HMMR: variants seen among roughly 807,000 people sequenced by gnomAD.
HMMR encodes the protein intracellular hyaluronic acid-binding protein.
Under a neutral mutation model 101.0 loss-of-function variants are expected in HMMR, and 108 were observed. The ratio of observed to expected loss-of-function variants is 1.07; its 90% confidence interval spans 0.92 to 1.25. The LOEUF (loss-of-function observed/expected upper bound fraction) is 1.25. HMMR is among the 50% of genes most tolerant of loss of function. The probability of loss-of-function intolerance (pLI) is 0.00; values close to 1 mark genes in which losing one functional copy is unlikely to be tolerated. For synonymous variants in HMMR, 296 were observed against 276.4 expected, an observed-to-expected ratio of 1.07 and a Z score of -0.70; for missense variants, 813 against 788.7, an observed-to-expected ratio of 1.03 and a Z score of -0.37.
intron 1 of HMMR, among the ~76,000 whole-genome samples, chr5:163,462,689 G>A (rs1376690629): frequency 2.0e-5 from 3 of 151,814 alleles, no homozygotes; most frequent in Non-Finnish European, 4.4e-5. Flanking sequence ...CTAGCTGGGC[G>A]TGGTGGTGGG....
chr5:163,461,434 A>C (rs1385835402), intron 1 of HMMR, among the ~76,000 whole-genome samples: 3 of 152,128 alleles, frequency 2.0e-5, no homozygotes, highest in Admixed American at 2.0e-4. Flanking sequence ...GTGTGCTCTT[A>C]ACACCGCAAT....
chr5:163,474,509 A>G, intron 10 of HMMR: 1 of 469,698 alleles, frequency 2.1e-6, no homozygotes, highest in South Asian at 1.6e-5. Context: ...TTACCTTGTA[A>G]AAGACTGTCT....
intron 1 of HMMR, 62 bp from the exon 2 acceptor site, chr5:163,463,794 T>C: frequency 1.6e-6 from 1 of 619,468 alleles, no homozygotes; most frequent in South Asian, 3.4e-5. Context: ...TATTATGACA[T>C]GTTTTAACTT....
intron 1 of HMMR, among the ~76,000 whole-genome samples, chr5:163,462,961 T>G (rs1057098271): frequency 2.0e-5 from 3 of 152,114 alleles, no homozygotes; most frequent in Admixed American, 2.0e-4. Flanking sequence ...GACTCTAGAC[T>G]GAAGTAAATA....
Position 163,491,443 on chromosome 5 carries a change from A to G in HMMR, c.*279A>G, listed in dbSNP as rs142312409. 1.8e-3 allele frequency: 479 copies of G among 265,408 alleles called. 1 individual carries two copies. The highest frequency in any genetic ancestry group is 9.6e-3 in the African/African-American group (431 of 44,930). The allele number at this position is 265,408 out of a possible 1,614,324, so 16.4% of individuals were successfully genotyped here. A position where few individuals can be genotyped will look rare whatever the true frequency, so the allele number is the denominator to read the frequency against. ...TCATCAACTTAAAAGTCAGTATCATATTATTATCCTCCTGTTCTGAAACCT... is the reference window on the plus strand; with the variant it reads ...TCATCAACTTAAAAGTCAGTATCATGTTATTATCCTCCTGTTCTGAAACCT... On this transcript the variant is annotated 3_prime_UTR_variant, in exon 18 of 18. Transcript: ENST00000393915.
At chr5:163,472,609 C>G (rs1758934042) in intron 7 of HMMR, among the ~76,000 whole-genome samples, 1 of 152,096 alleles carries the variant, frequency 6.6e-6, no homozygotes, top group Non-Finnish European at 1.5e-5. Flanking sequence ...TGTTGTCAGT[C>G]TGTTTGATTT....
intron 16 of HMMR, among the ~76,000 whole-genome samples, chr5:163,486,024 C>T (rs1759465953): frequency 6.6e-6 from 1 of 152,210 alleles, no homozygotes; most frequent in Non-Finnish European, 1.5e-5. Flanking sequence ...TATCCTTGTG[C>T]CACCACACTG....
rs1452236739 is a variant in HMMR, at chr5:163,484,049, A to G, written c.1786-20A>G. 5.4e-6 allele frequency: 8 copies of G among 1,491,538 alleles called. No individual in the cohort carries two copies. Among genetic ancestry groups the G allele is most frequent in the Non-Finnish European group, 5.5e-6 (6 of 1,089,762 alleles). The allele number at this position is 1,491,538 out of a possible 1,614,324, so 92.4% of individuals were successfully genotyped here. ...TCAAACTGTTTTAAGTCTTAACTTT[A>G]TTTAAAAAATCTTTTTCAGCTACAA... On this transcript the variant is annotated intron_variant, in intron 15 of 17. Coordinates refer to ENST00000393915, the MANE Select transcript of HMMR (RefSeq NM_001142556.2).
chr5:163,479,095 G>A (rs891275064), intron 12 of HMMR, among the ~76,000 whole-genome samples: 3 of 152,170 alleles, frequency 2.0e-5, no homozygotes, highest in Non-Finnish European at 2.9e-5. Flanking sequence ...AAGCTGAGGT[G>A]GGAGGATCAA....
chr5:163,461,387 A>C (rs1275673140), intron 1 of HMMR, among the ~76,000 whole-genome samples: 1 of 152,208 alleles, frequency 6.6e-6, no homozygotes, highest in African/African-American at 2.4e-5. Context: ...CTACATTACC[A>C]AAGTGACCGG....
At chr5:163,490,366 T>C (rs1015226378) in intron 16 of HMMR, 24 bp from the exon 17 acceptor site, 8 of 1,441,578 alleles carry the variant, frequency 5.5e-6, no homozygotes, top group Middle Eastern at 2.1e-4. Flanking sequence ...AATTGTTTAT[T>C]ACCTATTATT....
chr5:163,469,732 C>T lies in HMMR; in HGVS notation c.365C>T (p.Ala122Val). Residue 122 changes from alanine (A) to valine (V), a missense_variant, in exon 5 of 18, where the codon GCT becomes GTT. Coordinates refer to ENST00000393915, the MANE Select transcript of HMMR (RefSeq NM_001142556.2). ...GAAAAGATGGAAGCAAGGCTAAATG[C>T]TGCACTAAGGGAAAAAACATCTCTC... ...ELEKMEARLN[A>V]ALREKTSLSA... 5.0e-6 allele frequency: 8 copies of T among 1,612,894 alleles called. No homozygotes were observed. Among genetic ancestry groups the T allele is most frequent in the Non-Finnish European group, 6.8e-6 (8 of 1,178,860 alleles).
intron 17 of HMMR, 27 bp downstream of exon 17, chr5:163,490,579 T>C: frequency 6.5e-7 from 1 of 1,527,452 alleles, no homozygotes; most frequent in Non-Finnish European, 8.9e-7. Flanking sequence ...TGTATAAAAG[T>C]GTCCTCTTCC....
chr5:163,478,941 C>A, intron 12 of HMMR, 141 bp downstream of exon 12: 1 of 564,622 alleles, frequency 1.8e-6, no homozygotes, highest in Non-Finnish European at 3.2e-6. Flanking sequence ...CGTAAGTGGG[C>A]ATTTAGCATT....
rs1424678339 is a variant in HMMR, at chr5:163,463,934, A to T, written c.125A>T (p.Gln42Leu). Residue 42 changes from glutamine to leucine, a missense_variant, in exon 2 of 18, where the codon CAA becomes CTA. By Grantham distance (113) the Gln-to-Leu change is moderately radical (BLOSUM62 -2). Coordinates refer to ENST00000393915, the MANE Select transcript of HMMR (RefSeq NM_001142556.2). ...GGACCAGTATCCTTTCAGAAATCAC[A>T]AAGATTTAAACAACAAAAAGGTAAT... ...LKGPVSFQKS[Q>L]RFKQQKESKQ... 8.8e-6 allele frequency: 12 copies of T among 1,367,850 alleles called. No individual in the cohort carries two copies. Among genetic ancestry groups the T allele is most frequent in the Non-Finnish European group, 1.1e-5 (11 of 1,011,780 alleles). 84.7% of individuals were successfully genotyped at this position (1,367,850 alleles called of 1,614,324 possible).
intron 16 of HMMR, among the ~76,000 whole-genome samples, chr5:163,487,235 G>A (rs1038028038): frequency 1.3e-5 from 2 of 152,024 alleles, no homozygotes; most frequent in African/African-American, 2.4e-5. Context: ...TTGATATGAT[G>A]TATTTTATTA....
intron 10 of HMMR, chr5:163,474,632 A>G (rs1238846975): frequency 2.2e-6 from 1 of 454,994 alleles, no homozygotes; most frequent in Non-Finnish European, 4.4e-6. Context: ...GGATGGAAAC[A>G]GAGAAGGAGA....
At position 163,473,260 on chromosome 5, in the gene HMMR, T is replaced by G; in HGVS notation, c.725+7T>G. The G allele has an allele frequency of 1.3e-6, 2 of 1,528,868 alleles. No homozygotes were observed. Among genetic ancestry groups the G allele is most frequent in the South Asian group, 1.2e-5 (1 of 86,856 alleles). The allele number at this position is 1,528,868 out of a possible 1,614,324, so 94.7% of individuals were successfully genotyped here. ...AATACATCGAAGAAATTAGGTAATA[T>G]GAGCAGTAGCTTTAAATTGAACCTT... On this transcript the variant is annotated splice_region_variant and intron_variant, in intron 8 of 17. Transcript: ENST00000393915.
chr5:163,469,179 A>G (rs1758789630), intron 4 of HMMR, among the ~76,000 whole-genome samples: 1 of 151,396 alleles, frequency 6.6e-6, no homozygotes, highest in Admixed American at 6.6e-5. Context: ...CCTGGCTAAT[A>G]TGGTGAAACC....
Sources: gnomAD v4.1 joint callset for allele counts (sites outside exome capture counted in the v4.1 genomes callset) on GRCh38, gnomAD v4.1.1 for gene constraint, MANE v1.5 for transcripts, NCBI Gene and HGNC (gene_info 2026-07-23, HGNC 2026-07-21) for gene names.